The following SYNE1 variants were observed in gnomAD, a reference collection of about 807,000 sequenced individuals.
SYNE1 encodes the protein nesprin-1.
In SYNE1, 616 loss-of-function variants were observed where a neutral mutation model predicts 1,111.0. The observed-to-expected ratio is 0.55, with a 90% CI of 0.52 to 0.59. The LOEUF (loss-of-function observed/expected upper bound fraction) is 0.59, where lower values mean the gene tolerates loss of function less well. SYNE1 is among the 20% of genes least tolerant of loss of function. The pLI is 0.00. For synonymous variants in SYNE1, 3,855 were observed against 3,825.8 expected, an observed-to-expected ratio of 1.01 and a Z score of -0.28; for missense variants, 10,006 against 10,417.0, an observed-to-expected ratio of 0.96 and a Z score of 1.72.
chr6:152,531,853 G>A (rs1038823898), intron 4 of SYNE1, among the ~76,000 whole-genome samples: 8 of 152,110 alleles, frequency 5.3e-5, no homozygotes, highest in Non-Finnish European at 1.5e-5. Flanking sequence ...AGGCTGAATC[G>A]TATTCCATTG....
intron 45 of SYNE1, among the ~76,000 whole-genome samples, chr6:152,405,532 T>C (rs2097885144): frequency 6.6e-6 from 1 of 152,192 alleles, no homozygotes; most frequent in Admixed American, 6.5e-5. Flanking sequence ...AAGTGATATG[T>C]TTTTAGTTGT....
At chr6:152,207,855 A>G (rs769029034) in intron 125 of SYNE1, 117 bp downstream of exon 125, 2 of 938,734 alleles carry the variant, frequency 2.1e-6, no homozygotes, top group Non-Finnish European at 3.4e-6. Flanking sequence ...ACATTTGAGA[A>G]CAATGTTTGT....
chr6:152,326,658 A>C (rs1234238938), intron 78 of SYNE1, 25 bp from the exon 79 acceptor site: 12 of 1,601,888 alleles, frequency 7.5e-6, no homozygotes, highest in Admixed American at 1.7e-5. Context: ...TTGCAAACAT[A>C]ATCAACTCTC....
At chr6:152,489,123 A>C (rs2098956467) in intron 11 of SYNE1, among the ~76,000 whole-genome samples, 1 of 152,232 alleles carries the variant, frequency 6.6e-6, no homozygotes, top group South Asian at 2.1e-4. Flanking sequence ...AATGAAAAAT[A>C]AAATTGGGAT....
chr6:152,544,267 T>C (rs1215126960), intron 3 of SYNE1, among the ~76,000 whole-genome samples: 7 of 152,138 alleles, frequency 4.6e-5, no homozygotes, highest in Admixed American at 4.6e-4. Flanking sequence ...GTTTTTGGTG[T>C]GGGTGATTAT....
rs755955968 is a variant in SYNE1 at position 152,376,561 on chromosome 6, G to A, written c.9147-3C>T. 2.5e-6 allele frequency: 4 copies of A among 1,613,546 alleles called. No homozygotes were observed. The highest frequency in any genetic ancestry group is 2.5e-6 in the Non-Finnish European group (3 of 1,179,986). ...CCTTGGATGCTTGCAAACAAAGACT[G>A]AAAAGGTGACGCAAAAATTTAATGG... On this transcript the variant is annotated splice_polypyrimidine_tract_variant and splice_region_variant and intron_variant, in intron 57 of 145. Coordinates refer to ENST00000367255, the MANE Select transcript of SYNE1 (RefSeq NM_182961.4).
At chr6:152,562,798 T>C (rs2099399260) in intron 3 of SYNE1, among the ~76,000 whole-genome samples, 1 of 152,204 alleles carries the variant, frequency 6.6e-6, no homozygotes, top group South Asian at 2.1e-4. Flanking sequence ...ACTTAAAGTA[T>C]ATATTTTTTT....
intron 34 of SYNE1, among the ~76,000 whole-genome samples, chr6:152,431,660 T>G (rs2154207869): frequency 6.6e-6 from 1 of 152,292 alleles, no homozygotes; most frequent in Non-Finnish European, 1.5e-5. Flanking sequence ...TTCAGATTAT[T>G]TAAATGGAAA....
intron 3 of SYNE1, among the ~76,000 whole-genome samples, chr6:152,620,291 G>GT (rs1555036262): frequency 6.6e-6 from 1 of 151,746 alleles, no homozygotes; most frequent in East Asian, 1.9e-4. Flanking sequence ...AGTGTTGAGT[G>GT]CCCATTTCAC....
chr6:152,464,903 G>A, intron 18 of SYNE1: 1 of 342,188 alleles, frequency 2.9e-6, no homozygotes, highest in East Asian at 7.4e-5. Flanking sequence ...CTACCACATA[G>A]ATCCAGTAGT....
chr6:152,415,349 G>A (rs1287846756), intron 41 of SYNE1, among the ~76,000 whole-genome samples: 2 of 152,148 alleles, frequency 1.3e-5, no homozygotes, highest in Non-Finnish European at 2.9e-5. Flanking sequence ...TAAGCAAACA[G>A]TTAAAAGCAG....
At chr6:152,300,480 C>T (rs1180087938) in intron 93 of SYNE1, among the ~76,000 whole-genome samples, 161 bp downstream of exon 93, 1 of 152,188 alleles carries the variant, frequency 6.6e-6, no homozygotes, top group Admixed American at 6.5e-5. Flanking sequence ...TACTGAGACA[C>T]ATGACAATCA....
chr6:152,197,289 C>T (rs1011672944), intron 127 of SYNE1, among the ~76,000 whole-genome samples: 1 of 152,206 alleles, frequency 6.6e-6, no homozygotes, highest in Admixed American at 6.5e-5. Flanking sequence ...ATAGTTGTTA[C>T]ATTTGGTGTT....
chr6:152,543,624 G>A (rs968869137), intron 3 of SYNE1, among the ~76,000 whole-genome samples: 1 of 152,206 alleles, frequency 6.6e-6, no homozygotes, highest in African/African-American at 2.4e-5. Context: ...AAGTTCTTAA[G>A]TACAGTCATG....
At chr6:152,544,329 A>G (rs2099294547) in intron 3 of SYNE1, among the ~76,000 whole-genome samples, 1 of 152,112 alleles carries the variant, frequency 6.6e-6, no homozygotes, top group Non-Finnish European at 1.5e-5. Flanking sequence ...CCTAAATCGT[A>G]AATGGTTCCT....
At chr6:152,186,486 G>T (rs2069990772) in intron 128 of SYNE1, among the ~76,000 whole-genome samples, 1 of 133,646 alleles carries the variant, frequency 7.5e-6, no homozygotes, top group Non-Finnish European at 1.6e-5. Context: ...TACCCAGGAG[G>T]TGGAGTCTGC....
In SYNE1 at chr6:152,348,129, A is replaced by G. The variant is rs12529797; in HGVS notation, c.11902-894T>C. On this transcript the variant is annotated intron_variant, in intron 72 of 145. Transcript: ENST00000367255. ...ACATCTACTACTGTTTATAATAATG[A>G]AAATAGCATTTAAACTTATCATTTA... 2.5e-3 allele frequency among the ~76,000 whole-genome samples: 378 copies of G among 152,346 alleles called. 2 individuals carry two copies. The highest frequency in any genetic ancestry group is 7.0e-3 in the African/African-American group (293 of 41,590).
intron 16 of SYNE1, among the ~76,000 whole-genome samples, 197 bp downstream of exon 16, chr6:152,471,400 T>C (rs1005301955): frequency 6.6e-6 from 1 of 152,206 alleles, no homozygotes; most frequent in African/African-American, 2.4e-5. Flanking sequence ...TAGGGGATTT[T>C]AAATAATCAA....
At position 152,336,504 on chromosome 6, in the gene SYNE1, A is replaced by G. The variant is rs188666648; in HGVS notation, c.12528+337T>C. ...CCTCAAATCATCAGATATTAGTTAGATTATCATAAGGAGCATGCAACCTAG... is the reference window on the plus strand; with the variant it reads ...CCTCAAATCATCAGATATTAGTTAGGTTATCATAAGGAGCATGCAACCTAG... On this transcript the variant is annotated intron_variant, in intron 76 of 145. Coordinates refer to ENST00000367255, the MANE Select transcript of SYNE1 (RefSeq NM_182961.4). 1.8e-5 allele frequency: 6 copies of G among 339,556 alleles called. No homozygotes were observed. In the East Asian group the frequency reaches 4.3e-4, roughly 24 times the overall value. The allele number at this position is 339,556 out of a possible 1,614,324, so 21.0% of individuals were successfully genotyped here. A position where few individuals can be genotyped will look rare whatever the true frequency, so the allele number is the denominator to read the frequency against.
Sources: gnomAD v4.1 joint callset for allele counts (sites outside exome capture counted in the v4.1 genomes callset) on GRCh38, gnomAD v4.1.1 for gene constraint, MANE v1.5 for transcripts, NCBI Gene and HGNC (gene_info 2026-07-23, HGNC 2026-07-21) for gene names.